Variants in DPY19L3 observed in about 807,000 individuals in gnomAD.
DPY19L3 encodes the protein dpy-19 like C-mannosyltransferase 3, also known as protein C-mannosyl-transferase DPY19L3.
A neutral mutation model predicts 92.3 loss-of-function variants in DPY19L3; 51 were observed. The observed-to-expected ratio is 0.55, with a 90% CI of 0.44 to 0.70. The LOEUF (loss-of-function observed/expected upper bound fraction) is 0.70. Ranked by LOEUF, DPY19L3 falls within the 30% of genes least tolerant of loss-of-function variation. The pLI, the probability that DPY19L3 is intolerant of heterozygous loss-of-function variation, is 0.00. For missense variants in DPY19L3, 706 were observed against 855.9 expected, an observed-to-expected ratio of 0.82 and a Z score of 2.18; for synonymous variants, 309 against 315.2, an observed-to-expected ratio of 0.98 and a Z score of 0.21.
Position 32,453,135 on chromosome 19 carries a change from G to C in DPY19L3, c.856-10G>C, listed in dbSNP as rs780771732. On this transcript the variant is annotated splice_polypyrimidine_tract_variant and intron_variant, in intron 8 of 18. Transcript: ENST00000392250. The stretch of plus-strand genomic sequence containing the variant: ...AATGTCTGTACTCATCTAATCTTTG[G>C]TTCTTGCAGGCGACATGGCTGTATG... 1.2e-6 allele frequency: 2 copies of C among 1,613,548 alleles called. No individual in the cohort carries two copies. The highest frequency in any genetic ancestry group is 1.7e-6 in the Non-Finnish European group (2 of 1,179,906).
intron 15 of DPY19L3, among the ~76,000 whole-genome samples, chr19:32,466,991 A>G (rs906916653): frequency 1.3e-5 from 2 of 152,190 alleles, no homozygotes; most frequent in Admixed American, 6.5e-5. Flanking sequence ...TTACATTGCA[A>G]TTGTAGTTAG....
intron 6 of DPY19L3, among the ~76,000 whole-genome samples, chr19:32,438,471 T>C (rs1351625734): frequency 6.6e-6 from 1 of 152,152 alleles, no homozygotes; most frequent in Admixed American, 6.6e-5. Flanking sequence ...TAGATATAGA[T>C]ACATTGTTTG....
At chr19:32,426,164 C>G (rs1301654188) in intron 3 of DPY19L3, among the ~76,000 whole-genome samples, 1 of 152,312 alleles carries the variant, frequency 6.6e-6, no homozygotes, top group Non-Finnish European at 1.5e-5. Context: ...CCTCATGAAC[C>G]AACCTCTGCT....
intron 10 of DPY19L3, among the ~76,000 whole-genome samples, chr19:32,456,925 C>T (rs1969884457): frequency 6.6e-6 from 1 of 152,106 alleles, no homozygotes; most frequent in Non-Finnish European, 1.5e-5. Context: ...TTTTGGGAGG[C>T]TGAGGTGGGA....
At chr19:32,409,572 A>G (rs1968106030) in intron 2 of DPY19L3, among the ~76,000 whole-genome samples, 1 of 152,218 alleles carries the variant, frequency 6.6e-6, no homozygotes, top group Non-Finnish European at 1.5e-5. Context: ...TAGGTGATTT[A>G]TAAAGAAAAG....
intron 6 of DPY19L3, among the ~76,000 whole-genome samples, chr19:32,438,045 A>C (rs1295772554): frequency 6.6e-6 from 1 of 152,252 alleles, no homozygotes; most frequent in Non-Finnish European, 1.5e-5. Context: ...AGTAGAGCTT[A>C]AAGATAAAAT....
chr19:32,454,485 A>G (rs564006493), intron 9 of DPY19L3, among the ~76,000 whole-genome samples: 1 of 152,248 alleles, frequency 6.6e-6, no homozygotes, highest in East Asian at 1.9e-4. Flanking sequence ...GAGGCAGGAG[A>G]ATGGCATGAA....
In DPY19L3 at chr19:32,408,105, G is replaced by T. The variant is rs1599576619; in HGVS notation, c.-37-112G>T. The T allele has an allele frequency of 4.9e-6, 3 of 612,528 alleles. No homozygotes were observed. The East Asian group carries it at 8.4e-5, about 17-fold the overall frequency. 37.9% of individuals were successfully genotyped at this position (612,528 alleles called of 1,614,324 possible). ...CTTGGGGGGAAGAAAAAAAAAGGGA[G>T]GGCATGCTAATAGAGGGAAAATGGC... On this transcript the variant is annotated intron_variant, in intron 1 of 18. Transcript: ENST00000392250.
chr19:32,428,759 G>T (rs961171357), intron 3 of DPY19L3, among the ~76,000 whole-genome samples: 7 of 151,660 alleles, frequency 4.6e-5, no homozygotes, highest in East Asian at 1.9e-4. Context: ...GTCATTTTTT[G>T]TGTGTGTGTA....
intron 5 of DPY19L3, 29 bp from the exon 6 acceptor site, chr19:32,437,165 C>G: frequency 6.2e-7 from 1 of 1,613,104 alleles, no homozygotes; most frequent in Non-Finnish European, 8.5e-7. Flanking sequence ...GCTCACCTGA[C>G]AAACATGTTT....
intron 3 of DPY19L3, among the ~76,000 whole-genome samples, chr19:32,429,086 A>T (rs1968872312): frequency 6.6e-6 from 1 of 152,116 alleles, no homozygotes; most frequent in Non-Finnish European, 1.5e-5. Context: ...TGACCTCAGG[A>T]TCCACCCGCC....
chr19:32,433,271 A>C (rs968524508), intron 4 of DPY19L3, among the ~76,000 whole-genome samples: 1 of 152,104 alleles, frequency 6.6e-6, no homozygotes, highest in African/African-American at 2.4e-5. Flanking sequence ...CCTTTACTCC[A>C]TCTAATGAAA....
intron 3 of DPY19L3, among the ~76,000 whole-genome samples, chr19:32,420,143 C>CCA: frequency 6.6e-6 from 1 of 152,264 alleles, no homozygotes; most frequent in Admixed American, 6.5e-5. Flanking sequence ...CAGGCATGAA[C>CCA]CACCACACCC....
intron 3 of DPY19L3, among the ~76,000 whole-genome samples, chr19:32,421,523 C>G (rs1331256980): frequency 6.6e-6 from 1 of 151,400 alleles, no homozygotes; most frequent in African/African-American, 2.4e-5. Flanking sequence ...TCCTGTAATC[C>G]CAGCTGAAGC....
chr19:32,422,154 A>G (rs1227727848), intron 3 of DPY19L3, among the ~76,000 whole-genome samples: 1 of 152,170 alleles, frequency 6.6e-6, no homozygotes, highest in Admixed American at 6.5e-5. Context: ...CTGCAACAAA[A>G]AAGGGAAGAG....
At chr19:32,430,175 G>A (rs1419550664) in intron 3 of DPY19L3, among the ~76,000 whole-genome samples, 1 of 152,128 alleles carries the variant, frequency 6.6e-6, no homozygotes, top group Non-Finnish European at 1.5e-5. Context: ...GATCACTTAA[G>A]CTCAGGAGTT....
At chr19:32,465,274 T>C (rs1311953056) in intron 15 of DPY19L3, among the ~76,000 whole-genome samples, 1 of 152,222 alleles carries the variant, frequency 6.6e-6, no homozygotes, top group East Asian at 1.9e-4. Context: ...ATAGGAAGTA[T>C]CTGGATTTTT....
At chr19:32,439,088 C>G in intron 6 of DPY19L3, 24 bp from the exon 7 acceptor site, 2 of 1,584,762 alleles carry the variant, frequency 1.3e-6, no homozygotes, top group South Asian at 1.2e-5. Context: ...ATCACTTTGG[C>G]CATTTGTGTT....
chr19:32,437,614 C>G (rs146146003), intron 6 of DPY19L3, among the ~76,000 whole-genome samples: 1 of 152,168 alleles, frequency 6.6e-6, no homozygotes, highest in Non-Finnish European at 1.5e-5. Context: ...GCTGGGTGAT[C>G]AAGATTTCTC....
Sources: gnomAD v4.1 joint callset for allele counts (sites outside exome capture counted in the v4.1 genomes callset) on GRCh38, gnomAD v4.1.1 for gene constraint, MANE v1.5 for transcripts, NCBI Gene and HGNC (gene_info 2026-07-23, HGNC 2026-07-21) for gene names.